The following TTC28 variants were observed in gnomAD, a reference collection of about 807,000 sequenced individuals.
TTC28 encodes the protein tetratricopeptide repeat protein 28.
A neutral mutation model predicts 198.0 loss-of-function variants in TTC28; 61 were observed. That is an observed-to-expected ratio of 0.31 (90% CI 0.25 to 0.38). The LOEUF (loss-of-function observed/expected upper bound fraction) is 0.38. Ranked by LOEUF, TTC28 falls within the 10% of genes least tolerant of loss-of-function variation. The pLI, the probability that TTC28 is intolerant of heterozygous loss-of-function variation, is 1.00. For missense variants in TTC28, 2,678 were observed against 3,164.0 expected (o/e 0.85, Z 3.69); for synonymous variants, 1,171 against 1,297.8 (o/e 0.90, Z 2.10).
At chr22:28,614,846 A>G (rs1157505453) in intron 2 of TTC28, among the ~76,000 whole-genome samples, 1 of 152,252 alleles carries the variant, frequency 6.6e-6, no homozygotes, top group African/African-American at 2.4e-5. Context: ...AAACCCTAGA[A>G]GAAAACCTAG....
chr22:27,985,430 C>T, intron 21 of TTC28, 74 bp from the exon 22 acceptor site: 3 of 1,211,864 alleles, frequency 2.5e-6, no homozygotes, highest in Non-Finnish European at 3.5e-6. Context: ...CGCTATAGGG[C>T]TCCTTGTGCA....
At chr22:28,403,283 T>G (rs1204129238) in intron 2 of TTC28, among the ~76,000 whole-genome samples, 5 of 152,200 alleles carry the variant, frequency 3.3e-5, no homozygotes, top group Non-Finnish European at 7.3e-5. Flanking sequence ...GAAAAACGAT[T>G]GGTCCAAAAC....
At chr22:28,452,926 G>C (rs927511297) in intron 2 of TTC28, among the ~76,000 whole-genome samples, 1 of 152,120 alleles carries the variant, frequency 6.6e-6, no homozygotes, top group Non-Finnish European at 1.5e-5. Flanking sequence ...AAGGAATAGT[G>C]GCAGAGAGAA....
intron 12 of TTC28, among the ~76,000 whole-genome samples, chr22:28,047,681 C>A (rs1939922884): frequency 1.3e-5 from 2 of 152,194 alleles, no homozygotes; most frequent in Non-Finnish European, 2.9e-5. Flanking sequence ...GTGGGCCTGT[C>A]CCATTACTCT....
chr22:28,209,317 G>A (rs1320175546), intron 5 of TTC28, among the ~76,000 whole-genome samples: 2 of 152,192 alleles, frequency 1.3e-5, no homozygotes, highest in Non-Finnish European at 2.9e-5. Context: ...CCCACAGAGT[G>A]TGAGCCAAAG....
At position 28,509,191 on chromosome 22, in the gene TTC28, C is replaced by CA. The variant is rs796909640; in HGVS notation, c.381+120360dup. Among the ~76,000 whole-genome samples the CA allele has an allele frequency of 6.4e-3, 617 of 96,648 alleles. 3 individuals are homozygous for CA. Among genetic ancestry groups the CA allele is most frequent in the East Asian group, 8.3e-3 (26 of 3,138 alleles). 63.4% of individuals were successfully genotyped at this position (96,648 alleles called of 152,430 possible). The stretch of plus-strand genomic sequence containing the variant: ...GGGCAACAAAGTGAGATTCTGCCTT[C>CA]AAAAAAAAAAAAAAAAATACTCTCT... On this transcript the variant is annotated intron_variant, in intron 2 of 22. Transcript: ENST00000397906.
intron 5 of TTC28, among the ~76,000 whole-genome samples, chr22:28,222,861 C>A (rs1458330736): frequency 6.6e-6 from 1 of 152,136 alleles, no homozygotes; most frequent in East Asian, 1.9e-4. Flanking sequence ...GGATATTAAA[C>A]CCTAGAAATG....
At position 28,276,012 on chromosome 22, in the gene TTC28, AT is replaced by A. The variant is rs200369963; in HGVS notation, c.933+20185del. Among the ~76,000 whole-genome samples, 1,179 of 151,046 alleles carry A rather than the reference AT, an allele frequency of 7.8e-3. 22 individuals carry two copies. The highest frequency in any genetic ancestry group is 0.026 in the African/African-American group (1,082 of 41,136). ...AACAAAATAATGACTGTCACCAGTA[AT>A]TTTTTTTTCTTTTTTTTTTAGAAAG... On this transcript the variant is annotated intron_variant, in intron 5 of 22. Transcript: ENST00000397906.
At chr22:28,052,266 T>C (rs902077361) in intron 12 of TTC28, among the ~76,000 whole-genome samples, 1 of 152,186 alleles carries the variant, frequency 6.6e-6, no homozygotes, top group Non-Finnish European at 1.5e-5. Context: ...AAGTTAAGAA[T>C]AAGCAATGAC....
At chr22:28,313,023 A>G (rs1458459398) in intron 2 of TTC28, among the ~76,000 whole-genome samples, 4 of 152,240 alleles carry the variant, frequency 2.6e-5, no homozygotes, top group African/African-American at 2.4e-5. Context: ...AAAATGATAC[A>G]GGGGATATCA....
At chr22:28,305,068 G>A (rs1011299243) in intron 3 of TTC28, among the ~76,000 whole-genome samples, 2 of 151,672 alleles carry the variant, frequency 1.3e-5, no homozygotes, top group Non-Finnish European at 2.9e-5. Flanking sequence ...GGCTCACTGC[G>A]ACCTCCCCGC....
intron 2 of TTC28, among the ~76,000 whole-genome samples, chr22:28,378,873 A>T (rs2046453847): frequency 6.6e-6 from 1 of 152,200 alleles, no homozygotes; most frequent in Non-Finnish European, 1.5e-5. Context: ...GGGCAAAAAA[A>T]TATATTTGAG....
In TTC28 at chr22:28,629,784, C is replaced by A. The variant is rs2051142681; in HGVS notation, c.149G>T (p.Gly50Val). The part of the protein sequence containing the change: ...ADTIGQRSPD[G>V]PVLSKAEFVE... Reference sequence around the variant, plus strand: ...AAATTCAGCTTTGCTCAGTACCGGTCCATCAGGACTTCTCTGGCCAATAGT... The same window carrying A: ...AAATTCAGCTTTGCTCAGTACCGGTACATCAGGACTTCTCTGGCCAATAGT... Residue 50 changes from glycine to valine, a missense_variant, in exon 2 of 23, where the codon GGA becomes GTA. This residue lies in a region of TTC28 where 176 missense variants were observed against 197.9 expected (regional missense o/e 0.89). Coordinates refer to ENST00000397906, the MANE Select transcript of TTC28 (RefSeq NM_001145418.2). 1 of 1,551,676 alleles carries A rather than the reference C, an allele frequency of 6.4e-7. No homozygotes were observed. Among genetic ancestry groups the A allele is most frequent in the African/African-American group, 1.4e-5 (1 of 73,152 alleles).
intron 12 of TTC28, among the ~76,000 whole-genome samples, chr22:28,088,243 C>A (rs546963745): frequency 6.6e-5 from 10 of 152,250 alleles, no homozygotes; most frequent in Non-Finnish European, 1.0e-4. Context: ...GGAGGCATCA[C>A]GCTACCTGAC....
intron 2 of TTC28, among the ~76,000 whole-genome samples, chr22:28,393,326 T>C (rs781691393): frequency 2.6e-5 from 4 of 152,124 alleles, no homozygotes; most frequent in Non-Finnish European, 5.9e-5. Flanking sequence ...CATATAGATA[T>C]TGTATTGGTT....
intron 10 of TTC28, among the ~76,000 whole-genome samples, chr22:28,098,371 C>T (rs928843454): frequency 6.6e-6 from 1 of 152,088 alleles, no homozygotes; most frequent in South Asian, 2.1e-4. Context: ...TTCAAGCATC[C>T]CTGTCTCAAG....
chr22:28,014,591 G>A (rs375450379), intron 13 of TTC28, among the ~76,000 whole-genome samples, 199 bp from the exon 14 acceptor site: 2 of 152,166 alleles, frequency 1.3e-5, no homozygotes, highest in African/African-American at 2.4e-5. Flanking sequence ...GTCAGAAACC[G>A]CAGGGTAAAC....
intron 5 of TTC28, among the ~76,000 whole-genome samples, chr22:28,229,303 G>A (rs134178): frequency 0.5 from 76,075 of 151,946 alleles, 19,327 homozygotes; most frequent in Middle Eastern, 0.58. Context: ...TCTCCATTTG[G>A]CTTTAATAAT....
At chr22:28,630,483 T>A (rs1302283191) in intron 1 of TTC28, among the ~76,000 whole-genome samples, 1 of 152,108 alleles carries the variant, frequency 6.6e-6, no homozygotes, top group Non-Finnish European at 1.5e-5. Context: ...GGTGTTTTTG[T>A]TGTTGTTGTT....
Sources: gnomAD v4.1 joint callset for allele counts (sites outside exome capture counted in the v4.1 genomes callset) on GRCh38, gnomAD v4.1.1 for gene constraint, gnomAD v4.1.1 regional missense constraint, MANE v1.5 for transcripts, NCBI Gene and HGNC (gene_info 2026-07-23, HGNC 2026-07-21) for gene names.